EPB41L4A: variants seen among roughly 807,000 people sequenced by gnomAD.
The protein encoded by EPB41L4A is erythrocyte membrane protein band 4.1 like 4A.
EPB41L4A carries 100 observed loss-of-function variants against 108.6 expected under a neutral mutation model. The ratio of observed to expected loss-of-function variants is 0.92; its 90% CI spans 0.78 to 1.09. The LOEUF is 1.09. Ranked by LOEUF, EPB41L4A falls within the 50% of genes least tolerant of loss-of-function variation. EPB41L4A has a pLI of 0.00. For missense variants in EPB41L4A, 1,030 were observed against 842.7 expected (o/e 1.22, Z -2.75); for synonymous variants, 319 against 289.0 (o/e 1.10, Z -1.05).
intron 12 of EPB41L4A, among the ~76,000 whole-genome samples, chr5:112,229,215 T>C (rs1428822649): frequency 1.3e-5 from 2 of 152,216 alleles, no homozygotes; most frequent in African/African-American, 2.4e-5. Context: ...TTTGTGTTTT[T>C]TTTGAAACAC....
intron 2 of EPB41L4A, among the ~76,000 whole-genome samples, chr5:112,304,298 G>A (rs753000626): frequency 3.8e-4 from 58 of 152,116 alleles, no homozygotes; most frequent in Non-Finnish European, 7.6e-4. Flanking sequence ...GCCTTTCAAG[G>A]AGTAATCTGT....
chr5:112,154,940 A>G (rs1458002589), intron 12 of EPB41L4A, among the ~76,000 whole-genome samples: 1 of 152,196 alleles, frequency 6.6e-6, no homozygotes, highest in Non-Finnish European at 1.5e-5. Flanking sequence ...TCCTAACAAC[A>G]AATTTAAAAA....
intron 1 of EPB41L4A, among the ~76,000 whole-genome samples, chr5:112,375,869 A>G (rs1404154321): frequency 6.6e-6 from 1 of 152,230 alleles, no homozygotes; most frequent in Non-Finnish European, 1.5e-5. Context: ...CATGAGCCAA[A>G]GACAAGAATC....
At chr5:112,315,800 A>G (rs1755394128) in intron 1 of EPB41L4A, among the ~76,000 whole-genome samples, 1 of 152,068 alleles carries the variant, frequency 6.6e-6, no homozygotes, top group African/African-American at 2.4e-5. Flanking sequence ...AATCTGACAG[A>G]AATTTGATTT....
At chr5:112,374,694 T>G (rs1027355477) in intron 1 of EPB41L4A, among the ~76,000 whole-genome samples, 3 of 152,234 alleles carry the variant, frequency 2.0e-5, no homozygotes, top group Admixed American at 2.0e-4. Flanking sequence ...GGTTTTATTT[T>G]CCTTCTTTAA....
chr5:112,405,732 G>A (rs1762038393), intron 1 of EPB41L4A, among the ~76,000 whole-genome samples: 1 of 152,016 alleles, frequency 6.6e-6, no homozygotes, highest in South Asian at 2.1e-4. Flanking sequence ...CTTCACCTTG[G>A]CACATAAGAA....
At chr5:112,418,611 A>T (rs1762861089) in intron 1 of EPB41L4A, among the ~76,000 whole-genome samples, 1 of 152,190 alleles carries the variant, frequency 6.6e-6, no homozygotes, top group Non-Finnish European at 1.5e-5. Context: ...CAGCTGGTAT[A>T]ACCCATTCTG....
chr5:112,307,542 T>C (rs1417407905), intron 1 of EPB41L4A, 52 bp from the exon 2 acceptor site: 1 of 1,157,100 alleles, frequency 8.6e-7, no homozygotes, highest in Non-Finnish European at 1.3e-6. Flanking sequence ...TGTTCCTAAG[T>C]AGTACACAGT....
At chr5:112,406,066 G>GCTGGAGAACATGATGTAAAAACAGT (rs1762054414) in intron 1 of EPB41L4A, among the ~76,000 whole-genome samples, 1 of 152,152 alleles carries the variant, frequency 6.6e-6, no homozygotes, top group Non-Finnish European at 1.5e-5. Flanking sequence ...TCAAATAACT[G>GCTGGAGAACATGATGTAAAAACAGT]CTGGAGAACA....
chr5:112,357,827 C>T lies in EPB41L4A; in HGVS notation c.100-50337G>A, dbSNP rs114904180. Reference sequence around the variant, plus strand: ...TCTAGGGAAGAGCTATGTGGATGGACCACTGAGAATGAGCAGTATGTAAAA... The same window carrying T: ...TCTAGGGAAGAGCTATGTGGATGGATCACTGAGAATGAGCAGTATGTAAAA... On this transcript the variant is annotated intron_variant, in intron 1 of 22. Transcript: ENST00000261486. Among the ~76,000 whole-genome samples the T allele has an allele frequency of 3.5e-3, 526 of 152,246 alleles. 1 individual carries two copies. The highest frequency in any genetic ancestry group is 0.012 in the African/African-American group (488 of 41,552).
intron 1 of EPB41L4A, among the ~76,000 whole-genome samples, chr5:112,365,221 G>A (rs540494778): frequency 7.9e-5 from 12 of 152,194 alleles, no homozygotes; most frequent in Admixed American, 6.5e-5. Context: ...AGAGGGTCTC[G>A]CTACATGGCC....
chr5:112,326,993 G>A (rs768422653), intron 1 of EPB41L4A, among the ~76,000 whole-genome samples: 2 of 152,228 alleles, frequency 1.3e-5, no homozygotes, highest in South Asian at 4.1e-4. Context: ...GACTATACTA[G>A]AGACCTTTAA....
intron 14 of EPB41L4A, among the ~76,000 whole-genome samples, chr5:112,205,155 T>C (rs1762411874): frequency 6.6e-6 from 1 of 152,242 alleles, no homozygotes; most frequent in Non-Finnish European, 1.5e-5. Flanking sequence ...TTCAGAAATA[T>C]ATTACCTTAC....
At chr5:112,307,318 T>A (rs765807474) in intron 2 of EPB41L4A, 68 bp downstream of exon 2, 6 of 1,018,098 alleles carry the variant, frequency 5.9e-6, no homozygotes, top group South Asian at 1.4e-5. Context: ...TAAAACCATA[T>A]CAGGAAAAGC....
At chr5:112,209,201 G>A (rs75203262) in intron 13 of EPB41L4A, among the ~76,000 whole-genome samples, 1 of 152,172 alleles carries the variant, frequency 6.6e-6, no homozygotes, top group Non-Finnish European at 1.5e-5. Flanking sequence ...TGATGTATGG[G>A]GGGCAACCCC....
At chr5:112,373,575 C>T (rs1235920431) in intron 1 of EPB41L4A, among the ~76,000 whole-genome samples, 1 of 152,240 alleles carries the variant, frequency 6.6e-6, no homozygotes, top group African/African-American at 2.4e-5. Context: ...AATGTATTAA[C>T]TCATTTCATG....
chr5:112,415,608 G>T (rs1422055227), intron 1 of EPB41L4A, among the ~76,000 whole-genome samples: 1 of 152,110 alleles, frequency 6.6e-6, no homozygotes, highest in African/African-American at 2.4e-5. Flanking sequence ...TTCAAGTTTT[G>T]CTAAGAGAAC....
chr5:112,209,378 A>G (rs1762620533), intron 13 of EPB41L4A, among the ~76,000 whole-genome samples: 3 of 152,258 alleles, frequency 2.0e-5, no homozygotes, highest in African/African-American at 7.2e-5. Flanking sequence ...AGGCTTTTCC[A>G]CTGGGGAATG....
At chr5:112,207,815 G>A (rs992515021) in intron 13 of EPB41L4A, among the ~76,000 whole-genome samples, 3 of 152,200 alleles carry the variant, frequency 2.0e-5, no homozygotes, top group Non-Finnish European at 4.4e-5. Flanking sequence ...CTTTTACACT[G>A]TTGGGGGAAA....
Sources: gnomAD v4.1 joint callset for allele counts (sites outside exome capture counted in the v4.1 genomes callset) on GRCh38, gnomAD v4.1.1 for gene constraint, MANE v1.5 for transcripts, NCBI Gene and HGNC (gene_info 2026-07-23, HGNC 2026-07-21) for gene names.